Variants in NCAM2 observed in about 807,000 individuals in gnomAD.
NCAM2 encodes the protein neural cell adhesion molecule 2.
A neutral mutation model predicts 98.1 loss-of-function variants in NCAM2; 30 were observed. The ratio of observed to expected loss-of-function variants is 0.31; its 90% confidence interval spans 0.23 to 0.41. The LOEUF (loss-of-function observed/expected upper bound fraction) is 0.41, where lower values mean the gene tolerates loss of function less well. NCAM2 is among the 10% of genes least tolerant of loss of function. NCAM2 has a pLI of 1.00. For synonymous variants in NCAM2, 368 were observed against 342.4 expected (o/e 1.07, Z -0.83); for missense variants, 867 against 1,005.8 (o/e 0.86, Z 1.87).
intron 15 of NCAM2, among the ~76,000 whole-genome samples, chr21:21,486,167 G>A (rs558001406): frequency 1.3e-5 from 2 of 152,032 alleles, no homozygotes; most frequent in East Asian, 1.9e-4. Flanking sequence ...AGCCGGGCGT[G>A]GTGGCGGGCG....
chr21:21,332,607 T>C lies in NCAM2; in HGVS notation c.738-2898T>C, dbSNP rs567300375. 3.0e-4 allele frequency among the ~76,000 whole-genome samples: 46 copies of C among 152,304 alleles called. No individual in the cohort carries two copies. The East Asian group carries it at 7.9e-3, about 26-fold the overall frequency. ...GATCAATACTCAGTTAAAGATTTGT[T>C]GGGAACCCTCTGCAGATATCTATAG... On this transcript the variant is annotated intron_variant, in intron 6 of 17. Coordinates refer to ENST00000400546, the MANE Select transcript of NCAM2 (RefSeq NM_004540.5).
At chr21:21,184,252 C>A (rs2068566765) in intron 1 of NCAM2, among the ~76,000 whole-genome samples, 1 of 150,934 alleles carries the variant, frequency 6.6e-6, no homozygotes, top group African/African-American at 2.4e-5. Flanking sequence ...TCTATAAGGA[C>A]ATGGGAAATG....
At position 21,410,278 on chromosome 21, in the gene NCAM2, C is replaced by A; in HGVS notation, c.1200C>A (p.Ala400=). 1 of 1,508,808 alleles carries A rather than the reference C, an allele frequency of 6.6e-7. No individual in the cohort carries two copies. The highest frequency in any genetic ancestry group is 8.9e-7 in the Non-Finnish European group (1 of 1,122,200). 93.5% of individuals were successfully genotyped at this position (1,508,808 alleles called of 1,614,324 possible). A position where few individuals can be genotyped will look rare whatever the true frequency, so the allele number is the denominator to read the frequency against. ...QKSMYLDIEY[A]PKFISNQTIY... Reference sequence around the variant, plus strand: ...TTTTATTATATTGTATTACAGATGCCCCCAAGTTTATATCAAACCAAACAA... The same window carrying A: ...TTTTATTATATTGTATTACAGATGCACCCAAGTTTATATCAAACCAAACAA... The change falls in exon 10 of 18, where the codon GCC becomes GCA. Residue 400 remains alanine (A), a synonymous_variant. Transcript: ENST00000400546.
At chr21:21,356,273 T>C (rs1044898853) in intron 8 of NCAM2, among the ~76,000 whole-genome samples, 1 of 152,144 alleles carries the variant, frequency 6.6e-6, no homozygotes, top group Non-Finnish European at 1.5e-5. Flanking sequence ...TTCTCAGTTA[T>C]ATTATTCTTT....
At chr21:21,311,634 C>T (rs543784362) in intron 5 of NCAM2, among the ~76,000 whole-genome samples, 22 of 152,288 alleles carry the variant, frequency 1.4e-4, no homozygotes, top group African/African-American at 5.3e-4. Flanking sequence ...ATCCACTGCG[C>T]CCGGCCCATG....
intron 1 of NCAM2, among the ~76,000 whole-genome samples, chr21:21,106,062 A>G (rs1313321820): frequency 6.6e-6 from 1 of 152,082 alleles, no homozygotes; most frequent in Non-Finnish European, 1.5e-5. Flanking sequence ...GTAAAAAGGC[A>G]GTATTTACCA....
chr21:21,387,265 C>T (rs1024239458), intron 9 of NCAM2, among the ~76,000 whole-genome samples: 1 of 151,750 alleles, frequency 6.6e-6, no homozygotes, highest in Non-Finnish European at 1.5e-5. Flanking sequence ...GCAGTAATCC[C>T]ATCACAGGTG....
At chr21:21,221,068 G>A (rs184690626) in intron 1 of NCAM2, among the ~76,000 whole-genome samples, 21 of 152,136 alleles carry the variant, frequency 1.4e-4, no homozygotes, top group African/African-American at 1.9e-4. Context: ...TATCTGTTAC[G>A]GTGATCTGTG....
chr21:21,303,958 G>T (rs1201650669), intron 5 of NCAM2, among the ~76,000 whole-genome samples: 1 of 151,940 alleles, frequency 6.6e-6, no homozygotes, highest in Non-Finnish European at 1.5e-5. Flanking sequence ...AGTTTTAACT[G>T]GGCTGTTTTC....
intron 15 of NCAM2, among the ~76,000 whole-genome samples, chr21:21,479,544 A>ACT (rs528649845): frequency 2.2e-3 from 315 of 142,384 alleles, no homozygotes; most frequent in Admixed American, 3.9e-3. Flanking sequence ...AGACCGCGCC[A>ACT]CTGCACTCCA....
intron 12 of NCAM2, among the ~76,000 whole-genome samples, chr21:21,457,363 C>G (rs1024523393): frequency 6.6e-6 from 1 of 152,132 alleles, no homozygotes; most frequent in Non-Finnish European, 1.5e-5. Flanking sequence ...GCAAAGAGGT[C>G]TGACGCGGTG....
At chr21:21,131,976 A>T (rs1441344786) in intron 1 of NCAM2, among the ~76,000 whole-genome samples, 2 of 152,224 alleles carry the variant, frequency 1.3e-5, no homozygotes, top group African/African-American at 2.4e-5. Flanking sequence ...ATTATTTTAC[A>T]CTTCTGTGGA....
intron 1 of NCAM2, among the ~76,000 whole-genome samples, chr21:21,167,324 A>G (rs1183288929): frequency 1.3e-5 from 2 of 152,128 alleles, no homozygotes; most frequent in Non-Finnish European, 2.9e-5. Flanking sequence ...ATAATCCAAT[A>G]TATCTGTTTA....
chr21:21,266,976 G>T (rs993427392), intron 1 of NCAM2, among the ~76,000 whole-genome samples: 1 of 152,202 alleles, frequency 6.6e-6, no homozygotes. Flanking sequence ...TCATTGTACA[G>T]ATTATTTCAT....
intron 1 of NCAM2, among the ~76,000 whole-genome samples, chr21:21,014,957 C>T (rs2064278529): frequency 6.6e-6 from 1 of 152,048 alleles, no homozygotes; most frequent in Non-Finnish European, 1.5e-5. Flanking sequence ...AAGACTTCGG[C>T]AGAAGTAGTA....
chr21:21,325,231 C>T (rs170809), intron 6 of NCAM2, among the ~76,000 whole-genome samples: 103,986 of 151,958 alleles, frequency 0.68, 36,342 homozygotes, highest in Non-Finnish European at 0.78. Context: ...TACAGAATCA[C>T]TTCATAAACC....
chr21:21,180,295 G>A (rs1315938058), intron 1 of NCAM2, among the ~76,000 whole-genome samples: 1 of 152,140 alleles, frequency 6.6e-6, no homozygotes, highest in Non-Finnish European at 1.5e-5. Context: ...CGATACATGT[G>A]ATAAATTCTA....
intron 1 of NCAM2, among the ~76,000 whole-genome samples, chr21:21,028,672 A>G (rs1265842449): frequency 6.6e-6 from 1 of 152,256 alleles, no homozygotes; most frequent in African/African-American, 2.4e-5. Context: ...CAAGACAAAA[A>G]TATGAAATTG....
chr21:21,050,771 G>C (rs559872566), intron 1 of NCAM2, among the ~76,000 whole-genome samples: 19 of 152,280 alleles, frequency 1.2e-4, no homozygotes, highest in African/African-American at 4.6e-4. Context: ...CTATACGCCT[G>C]CGTGATTATA....
Sources: gnomAD v4.1 joint callset for allele counts (sites outside exome capture counted in the v4.1 genomes callset) on GRCh38, gnomAD v4.1.1 for gene constraint, MANE v1.5 for transcripts, NCBI Gene and HGNC (gene_info 2026-07-23, HGNC 2026-07-21) for gene names.